SEC31A: variants seen among roughly 807,000 people sequenced by gnomAD.
The protein encoded by SEC31A is SEC31 homolog A, COPII component.
SEC31A carries 70 observed loss-of-function variants against 151.0 expected under a neutral mutation model. The observed-to-expected ratio is 0.46, with a 90% confidence interval of 0.38 to 0.57. SEC31A has a LOEUF of 0.57. Among genes scored for constraint, SEC31A ranks in the 20% least tolerant of loss-of-function variants. SEC31A has a pLI of 0.00. For synonymous variants in SEC31A, 475 were observed against 505.9 expected (o/e 0.94, Z 0.82); for missense variants, 1,330 against 1,471.2 (o/e 0.90, Z 1.57).
chr4:82,888,154 C>A (rs567351722), intron 1 of SEC31A, among the ~76,000 whole-genome samples: 2 of 150,768 alleles, frequency 1.3e-5, no homozygotes, highest in East Asian at 3.9e-4. Flanking sequence ...GTGGGCAGAT[C>A]ACTTGAGGCC....
At chr4:82,831,829 A>C (rs1265649143) in intron 22 of SEC31A, among the ~76,000 whole-genome samples, 1 of 152,224 alleles carries the variant, frequency 6.6e-6, no homozygotes, top group Non-Finnish European at 1.5e-5. Flanking sequence ...TAAGAGAATA[A>C]AATACCTAGG....
chr4:82,869,288 T>C (rs1007735922), intron 8 of SEC31A, among the ~76,000 whole-genome samples: 1 of 150,308 alleles, frequency 6.7e-6, no homozygotes. Flanking sequence ...TCCAGCTAAT[T>C]TTTTTGTATT....
chr4:82,827,484 C>T lies in SEC31A; in HGVS notation c.3176G>A (p.Gly1059Asp). Reference sequence around the variant, plus strand: ...CTGTACGCCATGGAAGGGCTGGCCACCTGGAAGATGTGGCTGTGGGAATGA... The same window carrying T: ...CTGTACGCCATGGAAGGGCTGGCCATCTGGAAGATGTGGCTGTGGGAATGA... ...QSSFPQPHLP[G>D]GQPFHGVQQP... Residue 1059 changes from glycine to aspartate, a missense_variant, in exon 24 of 27, where the codon GGT becomes GAT. Gly to Asp is a moderately conservative substitution (Grantham distance 94). Transcript: ENST00000395310. The T allele has an allele frequency of 6.2e-7, 1 of 1,614,162 alleles. No individual in the cohort carries two copies. The highest frequency in any genetic ancestry group is 8.5e-7 in the Non-Finnish European group (1 of 1,180,032).
At chr4:82,850,041 C>T (rs746596302) in intron 19 of SEC31A, among the ~76,000 whole-genome samples, 3 of 151,066 alleles carry the variant, frequency 2.0e-5, no homozygotes, top group Non-Finnish European at 4.4e-5. Flanking sequence ...CCAAAAAAGG[C>T]AGGGTCTACT....
chr4:82,882,683 A>G (rs959117789), intron 1 of SEC31A, among the ~76,000 whole-genome samples: 1 of 152,240 alleles, frequency 6.6e-6, no homozygotes, highest in Admixed American at 6.5e-5. Context: ...CAGTTTAAAA[A>G]ATTAATTCAA....
At chr4:82,843,164 T>A (rs1344779547) in intron 21 of SEC31A, among the ~76,000 whole-genome samples, 2 of 151,658 alleles carry the variant, frequency 1.3e-5, no homozygotes, top group Non-Finnish European at 2.9e-5. Flanking sequence ...AGGGTCTTGC[T>A]GTGTCACCCA....
intron 8 of SEC31A, among the ~76,000 whole-genome samples, chr4:82,869,400 G>T (rs1736152504): frequency 6.6e-6 from 1 of 151,886 alleles, no homozygotes; most frequent in African/African-American, 2.4e-5. Flanking sequence ...AAAGTGCTGG[G>T]ATTACAGGCC....
At chr4:82,859,543 G>C (rs1733587810) in intron 14 of SEC31A, among the ~76,000 whole-genome samples, 1 of 152,150 alleles carries the variant, frequency 6.6e-6, no homozygotes, top group South Asian at 2.1e-4. Flanking sequence ...TAGTATTCAA[G>C]TTCAGTGGCA....
At chr4:82,854,200 C>A (rs1403406613) in intron 17 of SEC31A, among the ~76,000 whole-genome samples, 1 of 151,958 alleles carries the variant, frequency 6.6e-6, no homozygotes, top group Non-Finnish European at 1.5e-5. Context: ...CCTGTCTCTA[C>A]GAAAAATGCA....
intron 22 of SEC31A, among the ~76,000 whole-genome samples, chr4:82,837,616 C>A (rs531011731): frequency 3.8e-4 from 58 of 152,232 alleles, no homozygotes; most frequent in African/African-American, 1.4e-3. Context: ...AACTCCAGGG[C>A]TCATGCACTC....
intron 24 of SEC31A, 82 bp from the exon 25 acceptor site, chr4:82,824,756 G>C: frequency 6.7e-7 from 1 of 1,487,356 alleles, no homozygotes; most frequent in Non-Finnish European, 9.0e-7. Context: ...GTGATAAACA[G>C]AAACCGACAA....
intron 12 of SEC31A, 96 bp from the exon 13 acceptor site, chr4:82,862,668 A>G (rs1734461453): frequency 1.9e-6 from 2 of 1,034,864 alleles, no homozygotes; most frequent in South Asian, 1.3e-5. Flanking sequence ...GAAAATCCAC[A>G]AAAGTTCTTA....
intron 8 of SEC31A, among the ~76,000 whole-genome samples, chr4:82,868,152 G>A (rs1474782419): frequency 1.3e-5 from 2 of 152,116 alleles, no homozygotes; most frequent in Non-Finnish European, 2.9e-5. Context: ...AACAGAATTC[G>A]GCATTAACAG....
rs190883239 is a variant in SEC31A, at chr4:82,849,831, A to G, written c.2329-854T>C. Among the ~76,000 whole-genome samples, 96 of 152,306 alleles carry G rather than the reference A, an allele frequency of 6.3e-4. No individual in the cohort carries two copies. The East Asian group carries it at 0.018, about 28-fold the overall frequency. On this transcript the variant is annotated intron_variant, in intron 19 of 26. Transcript: ENST00000395310. ...ATGAGGTGACCCTATATATGCTCTA[A>G]GTATTAACAAATAACAAAAAGGCAA...
intron 4 of SEC31A, 130 bp downstream of exon 4, chr4:82,878,599 CA>C (rs1738548163): frequency 5.8e-6 from 4 of 684,172 alleles, no homozygotes; most frequent in Admixed American, 3.0e-5. Flanking sequence ...ATTCTTTAAA[CA>C]AACACTCGTC....
intron 20 of SEC31A, among the ~76,000 whole-genome samples, chr4:82,848,330 C>G (rs1226964465): frequency 7.3e-6 from 1 of 137,758 alleles, no homozygotes; most frequent in African/African-American, 2.7e-5. Flanking sequence ...AAAAAAAAGT[C>G]TGTATTCTGG....
intron 3 of SEC31A, among the ~76,000 whole-genome samples, chr4:82,880,029 C>T (rs1392174914): frequency 6.6e-6 from 1 of 151,914 alleles, no homozygotes; most frequent in African/African-American, 2.4e-5. Context: ...GAACTCTATA[C>T]AAAATTAGCC....
At position 82,844,488 on chromosome 4, in the gene SEC31A, C is replaced by G. The variant is rs755849561; in HGVS notation, c.2524G>C (p.Gly842Arg). 8 of 1,613,600 alleles carry G rather than the reference C, an allele frequency of 5.0e-6. No individual in the cohort carries two copies. In the South Asian group the frequency reaches 8.8e-5, roughly 18 times the overall value. ...YPHGENPPPP[G>R]FIMHGNVNPN... Reference sequence around the variant, plus strand: ...TTAACATTTCCATGCATTATGAAACCCGGAGGTGGAGGATTTTCTCCCTAA... The same window carrying G: ...TTAACATTTCCATGCATTATGAAACGCGGAGGTGGAGGATTTTCTCCCTAA... The change falls in exon 21 of 27, where the codon GGT (glycine) becomes CGT (arginine). Residue 842 changes from glycine (G) to arginine (R), a missense_variant. Physicochemically the swap from Gly to Arg is moderately radical, Grantham distance 125 (BLOSUM62 -2). Transcript: ENST00000395310.
intron 20 of SEC31A, among the ~76,000 whole-genome samples, chr4:82,848,359 A>G (rs1730688934): frequency 6.6e-6 from 1 of 151,532 alleles, no homozygotes; most frequent in African/African-American, 2.4e-5. Context: ...CATATTGTGC[A>G]AATACAGAAT....
Sources: allele counts gnomAD v4.1 joint callset (sites outside exome capture counted in the v4.1 genomes callset), GRCh38; gene constraint gnomAD v4.1.1; transcripts MANE v1.5; gene names NCBI Gene and HGNC (gene_info 2026-07-23, HGNC 2026-07-21).